The following ENPP2 variants were observed in gnomAD, a reference collection of about 807,000 sequenced individuals.
ENPP2 encodes the protein autotaxin.
ENPP2 carries 51 observed loss-of-function variants against 120.2 expected under a neutral mutation model. The observed-to-expected ratio is 0.42, with a 90% confidence interval of 0.34 to 0.54. The LOEUF is 0.54. ENPP2 is among the 20% of genes least tolerant of loss of function. The pLI is 0.04. For missense variants in ENPP2, 920 were observed against 1,066.5 expected (o/e 0.86, Z 1.91); for synonymous variants, 365 against 366.4 (o/e 1.00, Z 0.04).
At chr8:119,672,309 T>G (rs1164801444) in intron 1 of ENPP2, among the ~76,000 whole-genome samples, 2 of 152,202 alleles carry the variant, frequency 1.3e-5, no homozygotes, top group Admixed American at 1.3e-4. Context: ...ACTGGGTATG[T>G]GATAAATACA....
chr8:119,579,195 A>G (rs969847483), intron 19 of ENPP2, among the ~76,000 whole-genome samples: 4 of 152,176 alleles, frequency 2.6e-5, no homozygotes, highest in African/African-American at 9.7e-5. Context: ...ATCAGATAAA[A>G]AGAGCCTGCA....
intron 1 of ENPP2, among the ~76,000 whole-genome samples, chr8:119,645,387 G>A (rs902774167): frequency 6.6e-6 from 1 of 152,104 alleles, no homozygotes. Flanking sequence ...CTTGTTTCTT[G>A]CCAGACACCA....
At chr8:119,606,680 T>A (rs967891822) in intron 9 of ENPP2, among the ~76,000 whole-genome samples, 1 of 152,038 alleles carries the variant, frequency 6.6e-6, no homozygotes, top group African/African-American at 2.4e-5. Context: ...CAAACCCAAT[T>A]TCAATTTAGC....
intron 19 of ENPP2, among the ~76,000 whole-genome samples, chr8:119,572,465 A>G (rs140911605): frequency 4.9e-4 from 74 of 152,328 alleles, no homozygotes; most frequent in African/African-American, 1.7e-3. Flanking sequence ...TATAGTCTCT[A>G]CTAACTCTGG....
At chr8:119,667,877 C>T (rs1267950412) in intron 1 of ENPP2, among the ~76,000 whole-genome samples, 3 of 152,184 alleles carry the variant, frequency 2.0e-5, no homozygotes. Flanking sequence ...CTGGCCTCAG[C>T]CACCACTCCA....
chr8:119,568,335 T>C, intron 21 of ENPP2, 83 bp from the exon 22 acceptor site: 3 of 762,482 alleles, frequency 3.9e-6, no homozygotes, highest in East Asian at 2.5e-5. Flanking sequence ...GGGGTAGAAT[T>C]TTCTTAAATG....
At chr8:119,591,158 CCA>C (rs1420845439) in intron 12 of ENPP2, among the ~76,000 whole-genome samples, 1 of 152,126 alleles carries the variant, frequency 6.6e-6, no homozygotes, top group Non-Finnish European at 1.5e-5. Context: ...CTCACTGTCT[CCA>C]CTGGTGGCCT....
At chr8:119,558,167 C>T (rs1353697513) in intron 24 of ENPP2, among the ~76,000 whole-genome samples, 1 of 152,152 alleles carries the variant, frequency 6.6e-6, no homozygotes, top group Non-Finnish European at 1.5e-5. Context: ...AAAGAAACTG[C>T]TGCATCAACC....
intron 1 of ENPP2, among the ~76,000 whole-genome samples, chr8:119,666,711 C>T (rs971888223): frequency 8.0e-5 from 12 of 149,864 alleles, no homozygotes; most frequent in East Asian, 2.0e-4. Flanking sequence ...ACCCAGGAGG[C>T]GGAGGTTGTG....
chr8:119,592,090 C>T (rs1813545992), intron 12 of ENPP2, among the ~76,000 whole-genome samples: 1 of 152,130 alleles, frequency 6.6e-6, no homozygotes, highest in South Asian at 2.1e-4. Flanking sequence ...CTGAGACTTG[C>T]CACAAAAGGT....
chr8:119,658,860 A>G (rs1462768037), intron 1 of ENPP2, among the ~76,000 whole-genome samples: 2 of 152,196 alleles, frequency 1.3e-5, no homozygotes, highest in African/African-American at 2.4e-5. Context: ...ACAAAGGAAG[A>G]GAATGCCGAA....
rs1316031617 is a variant in ENPP2, at chr8:119,615,222, T to C, written c.777+1043A>G. On this transcript the variant is annotated intron_variant, in intron 8 of 24. Transcript: ENST00000075322. Reference sequence around the variant, plus strand: ...TCATGCCACGGTTGAGTGCACAAAGTTCTCCCAGCCCTCTTCTCTAACCAG... The same window carrying C: ...TCATGCCACGGTTGAGTGCACAAAGCTCTCCCAGCCCTCTTCTCTAACCAG... 9.9e-5 allele frequency among the ~76,000 whole-genome samples: 15 copies of C among 152,046 alleles called. No individual in the cohort carries two copies. The South Asian group carries it at 2.3e-3, about 23-fold the overall frequency.
At position 119,576,432 on chromosome 8, in the gene ENPP2, G is replaced by A. The variant is rs1002177880; in HGVS notation, c.1780+3684C>T. On this transcript the variant is annotated intron_variant, in intron 19 of 24. Coordinates refer to ENST00000075322, the MANE Select transcript of ENPP2 (RefSeq NM_001040092.3). Reference sequence around the variant, plus strand: ...GGATTACAAGTGTGAGCCACTGACCGCACCCAGCTGTGTTTAAGTCATTTT... The same window carrying A: ...GGATTACAAGTGTGAGCCACTGACCACACCCAGCTGTGTTTAAGTCATTTT... Among the ~76,000 whole-genome samples the A allele has an allele frequency of 1.1e-4, 16 of 152,166 alleles. No individual in the cohort carries two copies. The South Asian group carries it at 1.2e-3, about 12-fold the overall frequency.
chr8:119,569,390 A>T lies in ENPP2; in HGVS notation c.1918-20T>A. 1.2e-6 allele frequency: 2 copies of T among 1,613,262 alleles called. No homozygotes were observed. The highest frequency in any genetic ancestry group is 1.7e-6 in the Non-Finnish European group (2 of 1,179,722). On this transcript the variant is annotated intron_variant, in intron 20 of 24. Coordinates refer to ENST00000075322, the MANE Select transcript of ENPP2 (RefSeq NM_001040092.3). ...CTCAGCCTGCACGGGAGTCAGAGGC[A>T]CTCAGCAATGCCGTGGCTCTGTTAC...
At chr8:119,672,128 G>T (rs1201228048) in intron 1 of ENPP2, among the ~76,000 whole-genome samples, 1 of 152,108 alleles carries the variant, frequency 6.6e-6, no homozygotes. Context: ...GGAGCAAACC[G>T]GTAGTGAGGA....
In ENPP2 at chr8:119,626,591, T is replaced by C; in HGVS notation, c.266A>G (p.Asp89Gly). 3.1e-6 allele frequency: 5 copies of C among 1,614,002 alleles called. No homozygotes were observed. The highest frequency in any genetic ancestry group is 4.2e-6 in the Non-Finnish European group (5 of 1,179,900). ...LCKSYTSCCH[D>G]FDELCLKTAR... is the part of the protein sequence containing the mutation. ...TGTCTTCAAACACAGCTCATCAAAGTCATGGCAGCAACTGGTATAGCTCTT... is the reference window on the plus strand; with the variant it reads ...TGTCTTCAAACACAGCTCATCAAAGCCATGGCAGCAACTGGTATAGCTCTT... Residue 89 changes from aspartate to glycine, a missense_variant, in exon 3 of 25, where the codon GAC becomes GGC. Asp to Gly is a moderately conservative substitution (Grantham distance 94). Coordinates refer to ENST00000075322, the MANE Select transcript of ENPP2 (RefSeq NM_001040092.3).
chr8:119,594,888 G>A (rs1439898203), intron 11 of ENPP2, among the ~76,000 whole-genome samples: 1 of 152,188 alleles, frequency 6.6e-6, no homozygotes, highest in East Asian at 1.9e-4. Context: ...CTTCTCAGAT[G>A]AATCAAGACC....
intron 19 of ENPP2, among the ~76,000 whole-genome samples, chr8:119,576,823 A>G (rs1190811874): frequency 1.3e-5 from 2 of 152,222 alleles, no homozygotes; most frequent in African/African-American, 4.8e-5. Context: ...CAGGCATGCA[A>G]TTAAGACCTG....
chr8:119,590,095 T>G (rs1163774236), intron 13 of ENPP2, among the ~76,000 whole-genome samples: 1 of 152,162 alleles, frequency 6.6e-6, no homozygotes, highest in South Asian at 2.1e-4. Context: ...CTGCCAACCC[T>G]TACATAGACC....
Sources: allele counts gnomAD v4.1 joint callset (sites outside exome capture counted in the v4.1 genomes callset), GRCh38; gene constraint gnomAD v4.1.1; transcripts MANE v1.5; gene names NCBI Gene and HGNC (gene_info 2026-07-23, HGNC 2026-07-21).